MED25: variants seen among roughly 807,000 people sequenced by gnomAD.
MED25 encodes mediator complex subunit 25.
Under a neutral mutation model 89.4 loss-of-function variants are expected in MED25, and 62 were observed. That is an observed-to-expected ratio of 0.69 (90% CI 0.57 to 0.86). The LOEUF (loss-of-function observed/expected upper bound fraction) is 0.86. MED25 is among the 40% of genes least tolerant of loss of function. The probability of loss-of-function intolerance (pLI) is 0.00; values close to 1 mark genes in which losing one functional copy is unlikely to be tolerated. For missense variants in MED25, 905 were observed against 1,005.2 expected, an observed-to-expected ratio of 0.90 and a Z score of 1.35; for synonymous variants, 449 against 427.9, an observed-to-expected ratio of 1.05 and a Z score of -0.61.
Position 49,835,556 on chromosome 19 carries a change from C to T in MED25, c.1697C>T (p.Pro566Leu). 1 of 1,566,214 alleles carries T rather than the reference C, an allele frequency of 6.4e-7. No individual in the cohort carries two copies. Among genetic ancestry groups the T allele is most frequent in the Non-Finnish European group, 8.7e-7 (1 of 1,156,004 alleles). The change falls in exon 15 of 18, where the codon CCA becomes CTA. Residue 566 changes from proline to leucine, a missense_variant. Pro to Leu is a moderately conservative substitution (Grantham distance 98). Coordinates refer to ENST00000312865, the MANE Select transcript of MED25 (RefSeq NM_030973.4). This position sits in a 1 kb window ranked among gnomAD's most constrained non-coding sequence, Gnocchi z 6.2. ...CAGATGGGGGGACAGCAGGCACCCC[C>T]AGGGCTGGGGCCCATTCTGGAGGAC... ...QRGMGGQQAP[P>L]GLGPILEDQA...
At position 49,836,590 on chromosome 19, in the gene MED25, G is replaced by A. The variant is rs1310575092; in HGVS notation, c.2146+184G>A. On this transcript the variant is annotated intron_variant, in intron 17 of 17. Coordinates refer to ENST00000312865, the MANE Select transcript of MED25 (RefSeq NM_030973.4). This position sits in a 1 kb window ranked among gnomAD's most constrained non-coding sequence, Gnocchi z 5.1. ...TACAGCCCATGGGTCCAAGGACCTA[G>A]TGGGTTAAGAGCGTTTCCCATGATC... 8.7e-6 allele frequency: 7 copies of A among 800,486 alleles called. No homozygotes were observed. 49.6% of individuals were successfully genotyped at this position (800,486 alleles called of 1,614,324 possible).
At chr19:49,826,819 G>A (rs2074018865) in intron 3 of MED25, among the ~76,000 whole-genome samples, 1 of 152,214 alleles carries the variant, frequency 6.6e-6, no homozygotes, top group Non-Finnish European at 1.5e-5. Flanking sequence ...CAGAGACCTG[G>A]ATGTCTGGGC....
Position 49,834,674 on chromosome 19 carries a change from G to A in MED25, c.1483-312G>A. 2.3e-6 allele frequency: 1 copy of A among 439,944 alleles called. No individual in the cohort carries two copies. The highest frequency in any genetic ancestry group is 2.2e-5 in the South Asian group (1 of 46,438). 27.3% of individuals were successfully genotyped at this position (439,944 alleles called of 1,614,324 possible). A position where few individuals can be genotyped will look rare whatever the true frequency, so the allele number is the denominator to read the frequency against. ...TGACCCTCAGCCGCCCTCTGAGGAG[G>A]CCGCCGTGGCATTTTATGCCCAAGA... On this transcript the variant is annotated intron_variant, in intron 13 of 17. Transcript: ENST00000312865. This position sits in a 1 kb window ranked among gnomAD's most constrained non-coding sequence, Gnocchi z 4.1.
At chr19:49,821,785 C>T (rs376843078) in intron 3 of MED25, among the ~76,000 whole-genome samples, 9 of 143,110 alleles carry the variant, frequency 6.3e-5, no homozygotes, top group African/African-American at 2.1e-4. Flanking sequence ...CATTGCACTC[C>T]AGCCTGGGCA....
At position 49,836,618 on chromosome 19, in the gene MED25, C is replaced by T. The variant is rs1478139635; in HGVS notation, c.2146+212C>T. On this transcript the variant is annotated intron_variant, in intron 17 of 17. Coordinates refer to ENST00000312865, the MANE Select transcript of MED25 (RefSeq NM_030973.4). The surrounding 1 kb of genome is among the most constrained non-coding windows in gnomAD (Gnocchi z 5.1). Reference sequence around the variant, plus strand: ...GGTTAAGAGCGTTTCCCATGATCCTCCTGTGTGTGCTCCTGGGATTGCTGG... The same window carrying T: ...GGTTAAGAGCGTTTCCCATGATCCTTCTGTGTGTGCTCCTGGGATTGCTGG... The T allele has an allele frequency of 9.4e-6, 7 of 746,332 alleles. No individual in the cohort carries two copies. The highest frequency in any genetic ancestry group is 2.2e-4 in the Middle Eastern group (1 of 4,466). The allele number at this position is 746,332 out of a possible 1,614,324, so 46.2% of individuals were successfully genotyped here. A position where few individuals can be genotyped will look rare whatever the true frequency, so the allele number is the denominator to read the frequency against.
In MED25 at chr19:49,830,405, C is replaced by A; in HGVS notation, c.820-106C>A. ...GATGGGTGTTGTGAGCTAAGCTATC[C>A]CAGCTGGTGCCTCATGGGGCCATGG... On this transcript the variant is annotated intron_variant, in intron 7 of 17. Transcript: ENST00000312865. The surrounding 1 kb of genome is among the most constrained non-coding windows in gnomAD (Gnocchi z 4.6). The A allele has an allele frequency of 2.4e-6, 3 of 1,264,990 alleles. No homozygotes were observed. The highest frequency in any genetic ancestry group is 2.4e-5 in the East Asian group (1 of 41,750). The allele number at this position is 1,264,990 out of a possible 1,614,324, so 78.4% of individuals were successfully genotyped here.
In MED25 at chr19:49,836,083, G is replaced by A. The variant is rs938269630; in HGVS notation, c.1965+138G>A. 3 of 1,524,726 alleles carry A rather than the reference G, an allele frequency of 2.0e-6. No individual in the cohort carries two copies. Among genetic ancestry groups the A allele is most frequent in the East Asian group, 2.4e-5 (1 of 41,018 alleles). 94.4% of individuals were successfully genotyped at this position (1,524,726 alleles called of 1,614,324 possible). A position where few individuals can be genotyped will look rare whatever the true frequency, so the allele number is the denominator to read the frequency against. The stretch of plus-strand genomic sequence containing the variant: ...CGCCCAGGGCTTTAGGCAGAAGGCA[G>A]ACCGCCTCCTCTCCGTCCATCCCCC... On this transcript the variant is annotated intron_variant, in intron 16 of 17. Transcript: ENST00000312865. This position sits in a 1 kb window ranked among gnomAD's most constrained non-coding sequence, Gnocchi z 5.1.
At chr19:49,822,899 G>A (rs917375393) in intron 3 of MED25, among the ~76,000 whole-genome samples, 2 of 151,784 alleles carry the variant, frequency 1.3e-5, no homozygotes, top group Non-Finnish European at 2.9e-5. Context: ...CACCCGCCTC[G>A]GCCTCCCAAA....
At chr19:49,838,356 T>C (rs779763766), downstream of MED25, 2 of 352,268 alleles carry the variant, frequency 5.7e-6, no homozygotes, top group Non-Finnish European at 1.1e-5. Context: ...GTCAGAAGAA[T>C]TGGCACCCCT....
Position 49,834,867 on chromosome 19 carries a change from A to G in MED25, c.1483-119A>G, listed in dbSNP as rs112811777. ...GCACACCTGTTCTCCTTAACCTTCT[A>G]TAGCAGAAACCTCACCTCACCTTGC... On this transcript the variant is annotated intron_variant, in intron 13 of 17. Coordinates refer to ENST00000312865, the MANE Select transcript of MED25 (RefSeq NM_030973.4). This position sits in a 1 kb window ranked among gnomAD's most constrained non-coding sequence, Gnocchi z 4.1. 2.6e-4 allele frequency: 271 copies of G among 1,051,330 alleles called. 1 individual carries two copies. In the African/African-American group the frequency reaches 3.4e-3, roughly 13 times the overall value. 65.1% of individuals were successfully genotyped at this position (1,051,330 alleles called of 1,614,324 possible).
At position 49,835,308 on chromosome 19, in the gene MED25, C is replaced by T; in HGVS notation, c.1674+131C>T. ...TGTGGTGCCTCCAAGCTAAGTCCCA[C>T]TCAGATTTTCTTGCAGTCTCTCTCC... On this transcript the variant is annotated intron_variant, in intron 14 of 17. Transcript: ENST00000312865. The surrounding 1 kb of genome is among the most constrained non-coding windows in gnomAD (Gnocchi z 6.2). 1 of 1,098,256 alleles carries T rather than the reference C, an allele frequency of 9.1e-7. No homozygotes were observed. Among genetic ancestry groups the T allele is most frequent in the South Asian group, 1.3e-5 (1 of 78,252 alleles). The allele number at this position is 1,098,256 out of a possible 1,614,324, so 68.0% of individuals were successfully genotyped here. A position where few individuals can be genotyped will look rare whatever the true frequency, so the allele number is the denominator to read the frequency against.
rs540802925 is a variant in MED25 at position 49,824,675 on chromosome 19, T to C, written c.306-3774T>C. On this transcript the variant is annotated intron_variant, in intron 3 of 17. Coordinates refer to ENST00000312865, the MANE Select transcript of MED25 (RefSeq NM_030973.4). ...GACAACTCAGTTGTTCATTCATATG[T>C]TCACTCATTAATTCAACAAATGTTT... Among the ~76,000 whole-genome samples the C allele has an allele frequency of 7.1e-4, 108 of 152,238 alleles. 1 individual carries two copies. Among genetic ancestry groups the C allele is most frequent in the Middle Eastern group, 3.4e-3 (1 of 294 alleles).
intron 12 of MED25, 28 bp downstream of exon 12, chr19:49,832,185 C>T (rs773251580): frequency 1.2e-6 from 2 of 1,609,656 alleles, no homozygotes; most frequent in Non-Finnish European, 8.5e-7. Context: ...GCCAGCCCTG[C>T]TGCCGGGCAG....
chr19:49,832,444 G>T (rs779036345), intron 13 of MED25, 29 bp downstream of exon 13: 2 of 1,290,824 alleles, frequency 1.5e-6, no homozygotes, highest in Non-Finnish European at 2.2e-6. Flanking sequence ...GGGCCGAGGG[G>T]TGTTGACTCT....
Position 49,829,990 on chromosome 19 carries a change from G to T in MED25, c.688+42G>T, listed in dbSNP as rs1363433437. On this transcript the variant is annotated intron_variant, in intron 6 of 17. Transcript: ENST00000312865. This position sits in a 1 kb window ranked among gnomAD's most constrained non-coding sequence, Gnocchi z 4.6. ...GTGCGCGGGGATGGGGGCTCGACGT[G>T]TTTCCCCAGCTCCCTCTGACTTGGA... 1.9e-6 allele frequency: 3 copies of T among 1,599,920 alleles called. No homozygotes were observed. In the South Asian group the frequency reaches 3.3e-5, roughly 18 times the overall value.
In MED25 at chr19:49,836,228, G is replaced by T. The variant is rs370950491; in HGVS notation, c.1968G>T (p.Pro656=). The T allele has an allele frequency of 1.2e-6, 2 of 1,611,962 alleles. No homozygotes were observed. The highest frequency in any genetic ancestry group is 3.3e-5 in the Admixed American group (2 of 59,988). The part of the protein sequence containing the change: ...LRSLLLNPPP[P]QTGVPPPQAS... ...AGCCACTCTCTGTGTTCTCCCAGCC[G>T]CAGACTGGGGTGCCCCCACCCCAGG... is the stretch of plus-strand genomic sequence containing the variant. Residue 656 remains proline (P), a splice_region_variant and synonymous_variant, in exon 17 of 18, where the codon CCG becomes CCT. Transcript: ENST00000312865. This position sits in a 1 kb window ranked among gnomAD's most constrained non-coding sequence, Gnocchi z 5.1.
intron 3 of MED25, among the ~76,000 whole-genome samples, chr19:49,821,591 AC>A (rs2073982371): frequency 6.6e-6 from 1 of 151,144 alleles, no homozygotes; most frequent in African/African-American, 2.4e-5. Context: ...ACATGGTGAA[AC>A]CCTGCCTCTA....
chr19:49,828,361 G>C (rs947335463), intron 3 of MED25, 88 bp from the exon 4 acceptor site: 7 of 895,626 alleles, frequency 7.8e-6, no homozygotes, highest in African/African-American at 6.5e-5. Flanking sequence ...AGGATAGAGT[G>C]GGGGACAGCA....
At chr19:49,826,513 C>T (rs569139666) in intron 3 of MED25, among the ~76,000 whole-genome samples, 161 of 152,200 alleles carry the variant, frequency 1.1e-3, no homozygotes, top group African/African-American at 3.8e-3. Flanking sequence ...AGGCAGGAAG[C>T]GGAGAGCCCC....
Sources: allele counts gnomAD v4.1 joint callset (sites outside exome capture counted in the v4.1 genomes callset), GRCh38; gene constraint gnomAD v4.1.1; non-coding constraint Gnocchi (gnomAD v3.1); transcripts MANE v1.5; gene names NCBI Gene and HGNC (gene_info 2026-07-23, HGNC 2026-07-21).